Variants in EPM2A observed in about 807,000 individuals in gnomAD.
The protein encoded by EPM2A is EPM2A glucan phosphatase, laforin.
In EPM2A, 21 loss-of-function variants were observed where a neutral mutation model predicts 26.5. The ratio of observed to expected loss-of-function variants is 0.79; its 90% CI spans 0.56 to 1.14. The LOEUF is 1.14. EPM2A is among the 50% of genes most tolerant of loss of function. The probability of loss-of-function intolerance (pLI) is 0.00; values close to 1 mark genes in which losing one functional copy is unlikely to be tolerated. For missense variants in EPM2A, 458 were observed against 440.8 expected, an observed-to-expected ratio of 1.04 and a Z score of -0.35; for synonymous variants, 217 against 177.6, an observed-to-expected ratio of 1.22 and a Z score of -1.76.
chr6:145,485,135 A>C (rs1375885503), intron 4 of EPM2A, among the ~76,000 whole-genome samples: 1 of 151,828 alleles, frequency 6.6e-6, no homozygotes, highest in Non-Finnish European at 1.5e-5. Context: ...TTATAGCCTG[A>C]GAATGGAAAG....
At chr6:145,405,348 G>A (rs764129754) in intron 4 of EPM2A, among the ~76,000 whole-genome samples, 10 of 152,002 alleles carry the variant, frequency 6.6e-5, no homozygotes, top group African/African-American at 1.2e-4. Context: ...GAATGTCTGC[G>A]TGTCTGCTGT....
Position 145,403,730 on chromosome 6 carries a change from T to G in EPM2A, c.556-19633A>C, listed in dbSNP as rs372468028. ...TAAACAGTGTTGCAACAAACAGGAG[T>G]GCAGCTAGCTCTTTAATATAATGAT... On this transcript the variant is annotated intron_variant, in intron 4 of 4. Transcript: ENST00000638717. 4.6e-5 allele frequency among the ~76,000 whole-genome samples: 7 copies of G among 152,186 alleles called. No homozygotes were observed. The South Asian group carries it at 1.4e-3, about 32-fold the overall frequency.
chr6:145,577,092 C>T (rs1781042163), intron 2 of EPM2A, among the ~76,000 whole-genome samples: 1 of 150,836 alleles, frequency 6.6e-6, no homozygotes, highest in Non-Finnish European at 1.5e-5. Flanking sequence ...ATCACTTACG[C>T]ACAAATAAAG....
chr6:145,695,032 T>C (rs1298101754), intron 1 of EPM2A, among the ~76,000 whole-genome samples: 2 of 152,046 alleles, frequency 1.3e-5, no homozygotes, highest in Non-Finnish European at 2.9e-5. Flanking sequence ...TGAAAGGTGA[T>C]GTGTAAAGCA....
At chr6:145,482,792 GCTCT>G (rs768736549) in intron 4 of EPM2A, among the ~76,000 whole-genome samples, 4 of 151,620 alleles carry the variant, frequency 2.6e-5, no homozygotes, top group East Asian at 3.9e-4. Flanking sequence ...TCAACTTTTG[GCTCT>G]CTATTTGTCA....
intron 4 of EPM2A, among the ~76,000 whole-genome samples, chr6:145,486,624 G>A (rs2114737637): frequency 6.6e-6 from 1 of 151,740 alleles, no homozygotes; most frequent in East Asian, 1.9e-4. Flanking sequence ...CGCTAACCAC[G>A]GTTTTATTGT....
chr6:145,632,593 A>C (rs1388223160), intron 3 of EPM2A, among the ~76,000 whole-genome samples: 1 of 152,230 alleles, frequency 6.6e-6, no homozygotes, highest in African/African-American at 2.4e-5. Context: ...TGCAAGAGTA[A>C]GGATCGATCA....
At chr6:145,554,463 G>GATAC (rs1554250307) in intron 2 of EPM2A, among the ~76,000 whole-genome samples, 4 of 150,886 alleles carry the variant, frequency 2.7e-5, no homozygotes, top group East Asian at 1.9e-4. Flanking sequence ...TAGATAGATA[G>GATAC]ATAGATACAT....
At chr6:145,602,114 TG>T (rs1221188713) in intron 2 of EPM2A, among the ~76,000 whole-genome samples, 1 of 152,162 alleles carries the variant, frequency 6.6e-6, no homozygotes, top group Non-Finnish European at 1.5e-5. Flanking sequence ...AAAATTAAAA[TG>T]TATTTTAGTC....
At chr6:145,583,898 C>A (rs1427987019) in intron 2 of EPM2A, among the ~76,000 whole-genome samples, 1 of 152,172 alleles carries the variant, frequency 6.6e-6, no homozygotes, top group Non-Finnish European at 1.5e-5. Context: ...ACATACTTGC[C>A]CTGGTGGTGG....
intron 4 of EPM2A, among the ~76,000 whole-genome samples, chr6:145,481,022 A>T (rs6570687): frequency 6.6e-6 from 1 of 152,014 alleles, no homozygotes; most frequent in Non-Finnish European, 1.5e-5. Context: ...AGCATTTGTG[A>T]GCTGGGAACA....
intron 2 of EPM2A, among the ~76,000 whole-genome samples, chr6:145,656,277 T>C (rs1192231463): frequency 6.6e-6 from 1 of 152,160 alleles, no homozygotes; most frequent in Non-Finnish European, 1.5e-5. Flanking sequence ...CAGGAAATAC[T>C]GGAGACATGG....
downstream of EPM2A, among the ~76,000 whole-genome samples, chr6:145,623,584 C>T (rs929710761): frequency 7.2e-5 from 11 of 152,150 alleles, no homozygotes; most frequent in African/African-American, 2.7e-4. Flanking sequence ...TTGTACAGGA[C>T]CTCAAAGGGC....
At chr6:145,724,221 A>T (rs1204936576) in intron 1 of EPM2A, among the ~76,000 whole-genome samples, 1 of 152,130 alleles carries the variant, frequency 6.6e-6, no homozygotes, top group African/African-American at 2.4e-5. Flanking sequence ...GAAACAATGG[A>T]AATTACAATG....
At chr6:145,489,882 T>A in intron 4 of EPM2A, 12 of 1,379,930 alleles carry the variant, frequency 8.7e-6, no homozygotes, top group Non-Finnish European at 1.2e-5. Flanking sequence ...GAAGCTTCTC[T>A]ACGTGTACTT....
Position 145,710,563 on chromosome 6 carries a change from C to T in EPM2A, c.302-24267G>A, listed in dbSNP as rs554377579. Among the ~76,000 whole-genome samples, 11 of 152,234 alleles carry T rather than the reference C, an allele frequency of 7.2e-5. No individual in the cohort carries two copies. The East Asian group carries it at 7.7e-4, about 11-fold the overall frequency. On this transcript the variant is annotated intron_variant, in intron 1 of 3. Coordinates refer to ENST00000367519, the MANE Select transcript of EPM2A (RefSeq NM_005670.4). ...TCAACCCTTGTGGAAGTCAGTGTGG[C>T]GATTCCTCAGGGATCTAGAACTAGA...
At chr6:145,489,582 C>T (rs557060310) in intron 4 of EPM2A, 232 of 940,366 alleles carry the variant, frequency 2.5e-4, no homozygotes, top group African/African-American at 6.8e-4. Context: ...GCCCATAATC[C>T]GTTCAAAAAC....
intron 2 of EPM2A, among the ~76,000 whole-genome samples, chr6:145,575,321 G>C (rs980719922): frequency 2.6e-5 from 4 of 152,184 alleles, no homozygotes; most frequent in African/African-American, 7.2e-5. Flanking sequence ...CCTGGCGGCA[G>C]AGTCCCATTC....
intron 1 of EPM2A, among the ~76,000 whole-genome samples, chr6:145,707,127 G>A (rs76561685): frequency 0.078 from 11,811 of 152,182 alleles, 1,228 homozygotes; most frequent in African/African-American, 0.23. Flanking sequence ...AATTTCTTTT[G>A]TTTATAAATT....
Sources: allele counts gnomAD v4.1 joint callset (sites outside exome capture counted in the v4.1 genomes callset), GRCh38; gene constraint gnomAD v4.1.1; transcripts MANE v1.5; gene names NCBI Gene and HGNC (gene_info 2026-07-23, HGNC 2026-07-21).